The following KPNA6 variants were observed in gnomAD, a reference collection of about 807,000 sequenced individuals.
KPNA6 encodes karyopherin subunit alpha 6.
KPNA6 carries 9 observed loss-of-function variants against 72.0 expected under a neutral mutation model. The observed-to-expected ratio is 0.13, with a 90% CI of 0.08 to 0.22. The LOEUF (loss-of-function observed/expected upper bound fraction) is 0.22, where lower values mean the gene tolerates loss of function less well. Among genes scored for constraint, KPNA6 ranks in the 10% least tolerant of loss-of-function variants. The pLI, the probability that KPNA6 is intolerant of heterozygous loss-of-function variation, is 1.00. For missense variants in KPNA6, 374 were observed against 655.7 expected, an observed-to-expected ratio of 0.57 and a Z score of 4.69; for synonymous variants, 219 against 242.1, an observed-to-expected ratio of 0.90 and a Z score of 0.89.
chr1:32,122,107 G>A (rs1641443795), intron 1 of KPNA6, among the ~76,000 whole-genome samples: 1 of 151,020 alleles, frequency 6.6e-6, no homozygotes, highest in Admixed American at 6.6e-5. Flanking sequence ...AACCCCGTCT[G>A]TACTAAAAAT....
chr1:32,117,032 A>T (rs1286741184), intron 1 of KPNA6, among the ~76,000 whole-genome samples: 2 of 152,226 alleles, frequency 1.3e-5, no homozygotes, highest in Non-Finnish European at 2.9e-5. Flanking sequence ...ACAGATCACC[A>T]TAACAGATAA....
chr1:32,150,754 G>A (rs773425179), intron 1 of KPNA6, among the ~76,000 whole-genome samples: 1 of 152,086 alleles, frequency 6.6e-6, no homozygotes, highest in Non-Finnish European at 1.5e-5. Context: ...AGCCTCCCGA[G>A]TAGCTGGGAC....
chr1:32,119,016 ATATATATATATATATAT>A (rs1183326530), intron 1 of KPNA6, among the ~76,000 whole-genome samples: 1 of 69,330 alleles, frequency 1.4e-5, no homozygotes, highest in African/African-American at 8.3e-5. Context: ...ATATATATAT[ATATATATATATATATAT>A]TTTTTTTTTT....
intron 1 of KPNA6, among the ~76,000 whole-genome samples, chr1:32,147,650 C>CTTTTTTT (rs915571659): frequency 3.5e-4 from 29 of 81,868 alleles, no homozygotes; most frequent in Admixed American, 9.2e-4. Flanking sequence ...GATTTCTTTT[C>CTTTTTTT]TTTTTTTTTT....
chr1:32,168,148 A>C (rs1642372507), intron 12 of KPNA6, among the ~76,000 whole-genome samples: 1 of 152,256 alleles, frequency 6.6e-6, no homozygotes, highest in South Asian at 2.1e-4. Context: ...AGCATTTGCT[A>C]CAGAGCAAGG....
At chr1:32,128,092 G>T (rs1053616138) in intron 1 of KPNA6, among the ~76,000 whole-genome samples, 17 of 151,992 alleles carry the variant, frequency 1.1e-4, no homozygotes, top group Non-Finnish European at 1.9e-4. Context: ...AGTCCCTTGT[G>T]GTACCTAGTG....
At chr1:32,170,565 C>T in intron 13 of KPNA6, 142 bp from the exon 14 acceptor site, 1 of 666,974 alleles carries the variant, frequency 1.5e-6, no homozygotes, top group Non-Finnish European at 2.6e-6. Flanking sequence ...TAACTCTCCC[C>T]TTTCAGGTCC....
chr1:32,166,041 AAACAT>A, intron 10 of KPNA6, 59 bp from the exon 11 acceptor site: 2 of 1,532,700 alleles, frequency 1.3e-6, no homozygotes, highest in East Asian at 2.3e-5. Context: ...AACAACAAAA[AAACAT>A]AAAAAAAATT....
rs770016786 is a variant in KPNA6 at position 32,167,331 on chromosome 1, ATGGATGCTCT to A, written c.1244+36_1244+45del. 54 of 1,612,838 alleles carry A rather than the reference ATGGATGCTCT, an allele frequency of 3.3e-5. 1 individual carries two copies. Among genetic ancestry groups the A allele is most frequent in the Non-Finnish European group, 4.4e-5 (52 of 1,179,258 alleles). The stretch of plus-strand genomic sequence containing the variant: ...TCCTTTCCCGTTGTCTTGAATGATA[ATGGATGCTCT>A]CCCTGTTTGCTCATGGTTTACAGGT... On this transcript the variant is annotated intron_variant, in intron 12 of 13. Transcript: ENST00000373625.
In KPNA6 at chr1:32,174,719, T is replaced by C. The variant is rs1642497330; in HGVS notation, c.*3825T>C. On this transcript the variant is annotated 3_prime_UTR_variant, in exon 14 of 14. Coordinates refer to ENST00000373625, the MANE Select transcript of KPNA6 (RefSeq NM_012316.5). Reference sequence around the variant, plus strand: ...CCCTGCAGGTAATCCAGGGACCCCATAGGGAGAACAGGCTGACTGGGGCAT... The same window carrying C: ...CCCTGCAGGTAATCCAGGGACCCCACAGGGAGAACAGGCTGACTGGGGCAT... 1 of 151,976 alleles carries C rather than the reference T, an allele frequency of 6.6e-6. No homozygotes were observed. The highest frequency in any genetic ancestry group is 2.4e-5 in the African/African-American group (1 of 41,376). The allele number at this position is 151,976 out of a possible 1,614,324, so 9.4% of individuals were successfully genotyped here.
intron 1 of KPNA6, among the ~76,000 whole-genome samples, chr1:32,130,446 T>C (rs1380972122): frequency 6.6e-6 from 1 of 151,936 alleles, no homozygotes; most frequent in African/African-American, 2.4e-5. Flanking sequence ...ATACTGCAAG[T>C]CAGTTGGTTT....
chr1:32,122,080 C>A (rs1407090422), intron 1 of KPNA6, among the ~76,000 whole-genome samples: 3 of 151,880 alleles, frequency 2.0e-5, no homozygotes, highest in Admixed American at 6.6e-5. Flanking sequence ...TCGAGAGCAG[C>A]CTGGCCAACA....
intron 1 of KPNA6, among the ~76,000 whole-genome samples, chr1:32,124,883 C>T (rs1188325637): frequency 6.6e-6 from 1 of 151,352 alleles, no homozygotes; most frequent in East Asian, 2.0e-4. Context: ...TTCACTCTGT[C>T]GCCCAGGCTG....
intron 1 of KPNA6, among the ~76,000 whole-genome samples, chr1:32,131,862 G>C (rs1004211646): frequency 4.0e-5 from 6 of 151,786 alleles, no homozygotes; most frequent in Non-Finnish European, 7.4e-5. Context: ...AGGGAATCCA[G>C]CCTGGTCTCC....
chr1:32,146,014 T>A (rs1033137029), intron 1 of KPNA6, among the ~76,000 whole-genome samples: 1 of 152,238 alleles, frequency 6.6e-6, no homozygotes, highest in Non-Finnish European at 1.5e-5. Context: ...TGAGACACTT[T>A]TAGTGGGCTA....
rs1224502652 is a variant in KPNA6, at chr1:32,171,515, C to G, written c.*621C>G. 6.6e-6 allele frequency: 1 copy of G among 152,186 alleles called. No homozygotes were observed. Among genetic ancestry groups the G allele is most frequent in the Non-Finnish European group, 1.5e-5 (1 of 68,048 alleles). 9.4% of individuals were successfully genotyped at this position (152,186 alleles called of 1,614,324 possible). A position where few individuals can be genotyped will look rare whatever the true frequency, so the allele number is the denominator to read the frequency against. On this transcript the variant is annotated 3_prime_UTR_variant, in exon 14 of 14. Coordinates refer to ENST00000373625, the MANE Select transcript of KPNA6 (RefSeq NM_012316.5). ...TGCTCTTCCCAAGAGCCACAAGTTC[C>G]TGGTTTTAGTAAACCCAGCTGCCTG...
At chr1:32,109,813 T>C (rs1189479059) in intron 1 of KPNA6, among the ~76,000 whole-genome samples, 1 of 151,182 alleles carries the variant, frequency 6.6e-6, no homozygotes, top group African/African-American at 2.4e-5. Context: ...CCTGGATAAT[T>C]TTTTTTGTAT....
chr1:32,118,667 C>CTGTGG (rs1641369190), intron 1 of KPNA6, among the ~76,000 whole-genome samples: 1 of 151,884 alleles, frequency 6.6e-6, no homozygotes, highest in Non-Finnish European at 1.5e-5. Context: ...TGGGATGTGC[C>CTGTGG]TGTACTCCCA....
chr1:32,147,016 C>T (rs1373036848), intron 1 of KPNA6, among the ~76,000 whole-genome samples: 2 of 151,910 alleles, frequency 1.3e-5, no homozygotes, highest in Non-Finnish European at 1.5e-5. Flanking sequence ...CCACCACGTC[C>T]GGCTAATTTT....
Sources: allele counts gnomAD v4.1 joint callset (sites outside exome capture counted in the v4.1 genomes callset), GRCh38; gene constraint gnomAD v4.1.1; transcripts MANE v1.5; gene names NCBI Gene and HGNC (gene_info 2026-07-23, HGNC 2026-07-21).